Variants in TMEM178B observed in about 807,000 individuals in gnomAD.
The protein encoded by TMEM178B is transmembrane protein 178B.
Under a neutral mutation model 31.0 loss-of-function variants are expected in TMEM178B, and 5 were observed. That is an observed-to-expected ratio of 0.16 (90% confidence interval 0.08 to 0.34). The LOEUF (loss-of-function observed/expected upper bound fraction) is 0.34, where lower values mean the gene tolerates loss of function less well. TMEM178B is among the 10% of genes least tolerant of loss of function. The pLI, the probability that TMEM178B is intolerant of heterozygous loss-of-function variation, is 1.00. For synonymous variants in TMEM178B, 164 were observed against 164.0 expected, an observed-to-expected ratio of 1.00 and a Z score of 0.00; for missense variants, 275 against 400.3, an observed-to-expected ratio of 0.69 and a Z score of 2.67.
intron 2 of TMEM178B, 144 bp downstream of exon 2, chr7:141,212,848 G>A: frequency 1.6e-6 from 1 of 624,064 alleles, no homozygotes; most frequent in Non-Finnish European, 2.7e-6. Flanking sequence ...ATATCTTTGG[G>A]TTAGAATTGC....
At chr7:141,209,351 C>T (rs10252667) in intron 1 of TMEM178B, among the ~76,000 whole-genome samples, 6,705 of 152,254 alleles carry the variant, frequency 0.044, 446 homozygotes, top group African/African-American at 0.14. Context: ...ATTGTCCAGG[C>T]AGGGAAGAGG....
intron 2 of TMEM178B, among the ~76,000 whole-genome samples, chr7:141,267,860 TA>T (rs1242708327): frequency 1.3e-5 from 2 of 152,244 alleles, no homozygotes; most frequent in Non-Finnish European, 2.9e-5. Context: ...GCCAGGCTGA[TA>T]ACCATTTCCT....
intron 2 of TMEM178B, among the ~76,000 whole-genome samples, chr7:141,390,251 C>T (rs1800510800): frequency 6.6e-6 from 1 of 152,162 alleles, no homozygotes; most frequent in Non-Finnish European, 1.5e-5. Flanking sequence ...GCTTTGGGGG[C>T]CACACCCTCT....
At chr7:141,321,994 T>TATTC (rs1563150982) in intron 2 of TMEM178B, among the ~76,000 whole-genome samples, 4 of 151,732 alleles carry the variant, frequency 2.6e-5, no homozygotes, top group Middle Eastern at 3.4e-3. Flanking sequence ...GAGCTCCTCG[T>TATTC]TCTGTTTTGT....
rs920075567 is a variant in TMEM178B at position 141,469,506 on chromosome 7, A to T, written c.635-1030A>T. Among the ~76,000 whole-genome samples, 12 of 152,226 alleles carry T rather than the reference A, an allele frequency of 7.9e-5. No individual in the cohort carries two copies. In the East Asian group the frequency reaches 2.3e-3, roughly 29 times the overall value. Reference sequence around the variant, plus strand: ...GCAAGAGTTTTAATAATAAATATAAAATTGAATGCACCTCCTTTTGTTCCT... The same window carrying T: ...GCAAGAGTTTTAATAATAAATATAATATTGAATGCACCTCCTTTTGTTCCT... On this transcript the variant is annotated intron_variant, in intron 3 of 3. Coordinates refer to ENST00000565468, the MANE Select transcript of TMEM178B (RefSeq NM_001195278.2).
chr7:141,325,874 T>C (rs1013883457), intron 2 of TMEM178B, among the ~76,000 whole-genome samples: 1 of 152,034 alleles, frequency 6.6e-6, no homozygotes, highest in Non-Finnish European at 1.5e-5. Flanking sequence ...TAGACAGAAA[T>C]GTAAAGACCT....
chr7:141,496,692 A>AAC, the TMEM178B span, among the ~76,000 whole-genome samples: 1 of 150,666 alleles, frequency 6.6e-6, no homozygotes, highest in Admixed American at 6.6e-5. Flanking sequence ...AAAAAAAAAA[A>AAC]ACCTCTGTAG....
chr7:141,189,139 A>C (rs901110866), intron 1 of TMEM178B, among the ~76,000 whole-genome samples: 4 of 152,274 alleles, frequency 2.6e-5, no homozygotes, highest in Non-Finnish European at 4.4e-5. Flanking sequence ...AGCTGTTTGA[A>C]TATAACCCAG....
chr7:141,124,259 C>G (rs10235386), intron 1 of TMEM178B, among the ~76,000 whole-genome samples: 1 of 151,916 alleles, frequency 6.6e-6, no homozygotes, highest in South Asian at 2.1e-4. Context: ...CCCAGCTACT[C>G]GGGAGGCTGA....
At chr7:141,211,437 AG>A (rs1395061584) in intron 1 of TMEM178B, among the ~76,000 whole-genome samples, 1 of 152,226 alleles carries the variant, frequency 6.6e-6, no homozygotes, top group African/African-American at 2.4e-5. Context: ...ACAGTGGGCT[AG>A]GGGGTCAAAC....
chr7:141,257,171 A>T lies in TMEM178B; in HGVS notation c.496+44467A>T, dbSNP rs1453776630. On this transcript the variant is annotated intron_variant, in intron 2 of 3. Coordinates refer to ENST00000565468, the MANE Select transcript of TMEM178B (RefSeq NM_001195278.2). ...AGATTGATGTTGCAGAAGCAGGTAAATAAGATATTTCAAGAAAGACGAAGT... is the reference window on the plus strand; with the variant it reads ...AGATTGATGTTGCAGAAGCAGGTAATTAAGATATTTCAAGAAAGACGAAGT... Among the ~76,000 whole-genome samples, 3 of 152,244 alleles carry T rather than the reference A, an allele frequency of 2.0e-5. No homozygotes were observed. In the East Asian group the frequency reaches 5.8e-4, roughly 29 times the overall value.
intron 2 of TMEM178B, among the ~76,000 whole-genome samples, chr7:141,314,334 G>T (rs764621057): frequency 9.2e-5 from 14 of 152,242 alleles, no homozygotes; most frequent in Non-Finnish European, 1.6e-4. Flanking sequence ...TTATAAGAAA[G>T]AGAGGATCTG....
At chr7:141,154,634 C>T (rs1293392522) in intron 1 of TMEM178B, among the ~76,000 whole-genome samples, 1 of 152,172 alleles carries the variant, frequency 6.6e-6, no homozygotes, top group Non-Finnish European at 1.5e-5. Flanking sequence ...GGGCCTGGAT[C>T]CACGGTGGCC....
chr7:141,453,506 TCA>T (rs769676024), intron 3 of TMEM178B, among the ~76,000 whole-genome samples: 2 of 152,258 alleles, frequency 1.3e-5, no homozygotes, highest in African/African-American at 2.4e-5. Context: ...TCTAAGACAC[TCA>T]AATAGTAACT....
intron 2 of TMEM178B, among the ~76,000 whole-genome samples, chr7:141,218,836 G>A (rs1797205627): frequency 6.6e-6 from 1 of 152,102 alleles, no homozygotes; most frequent in African/African-American, 2.4e-5. Context: ...TTCCCTGATG[G>A]TACCTGCCTT....
intron 2 of TMEM178B, among the ~76,000 whole-genome samples, chr7:141,428,598 T>A (rs1801365564): frequency 6.6e-6 from 1 of 152,048 alleles, no homozygotes; most frequent in Non-Finnish European, 1.5e-5. Context: ...GTAAACACAC[T>A]GTGTGTGCAG....
At chr7:141,366,862 C>T (rs1800014567) in intron 2 of TMEM178B, among the ~76,000 whole-genome samples, 1 of 152,060 alleles carries the variant, frequency 6.6e-6, no homozygotes, top group African/African-American at 2.4e-5. Flanking sequence ...CTCTCCGGCC[C>T]ACAGTATACC....
chr7:141,311,000 G>T (rs184386928), intron 2 of TMEM178B, among the ~76,000 whole-genome samples: 1 of 152,180 alleles, frequency 6.6e-6, no homozygotes, highest in Non-Finnish European at 1.5e-5. Context: ...CCTTTGCAGG[G>T]ACATAGATGA....
chr7:141,130,681 CTTAT>C (rs919961937), intron 1 of TMEM178B, among the ~76,000 whole-genome samples: 40 of 151,624 alleles, frequency 2.6e-4, no homozygotes, highest in African/African-American at 9.5e-4. Flanking sequence ...TTATGTTTTT[CTTAT>C]AAGAGAGGAG....
Sources: allele counts gnomAD v4.1 joint callset (sites outside exome capture counted in the v4.1 genomes callset), GRCh38; gene constraint gnomAD v4.1.1; transcripts MANE v1.5; gene names NCBI Gene and HGNC (gene_info 2026-07-23, HGNC 2026-07-21).